The following GALNT1 variants were observed in gnomAD, a reference collection of about 807,000 sequenced individuals.
GALNT1 encodes GalNAc transferase 1.
GALNT1 carries 17 observed loss-of-function variants against 65.7 expected under a neutral mutation model. The observed-to-expected ratio is 0.26, with a 90% CI of 0.18 to 0.39. The LOEUF is 0.39. GALNT1 is among the 10% of genes least tolerant of loss of function. GALNT1 has a pLI of 1.00. For missense variants in GALNT1, 460 were observed against 672.8 expected (o/e 0.68, Z 3.50); for synonymous variants, 210 against 219.7 (o/e 0.96, Z 0.39).
chr18:35,644,264 T>C (rs192403913), intron 1 of GALNT1, among the ~76,000 whole-genome samples: 17 of 152,376 alleles, frequency 1.1e-4, no homozygotes, highest in Non-Finnish European at 2.5e-4. Flanking sequence ...TAAATACTTA[T>C]GTTGAATAAG....
intron 1 of GALNT1, among the ~76,000 whole-genome samples, chr18:35,647,836 G>C (rs952556885): frequency 1.3e-5 from 2 of 151,990 alleles, no homozygotes; most frequent in Non-Finnish European, 2.9e-5. Flanking sequence ...AAAATCATTT[G>C]GCCGTAGAAA....
chr18:35,710,687 C>T lies in GALNT1; in HGVS notation c.*917C>T, dbSNP rs559727340. 31 of 152,710 alleles carry T rather than the reference C, an allele frequency of 2.0e-4. No individual in the cohort carries two copies. Among genetic ancestry groups the T allele is most frequent in the African/African-American group, 6.7e-4 (28 of 41,564 alleles). The allele number at this position is 152,710 out of a possible 1,614,324, so 9.5% of individuals were successfully genotyped here. A position where few individuals can be genotyped will look rare whatever the true frequency, so the allele number is the denominator to read the frequency against. On this transcript the variant is annotated 3_prime_UTR_variant, in exon 12 of 12. Coordinates refer to ENST00000269195, the MANE Select transcript of GALNT1 (RefSeq NM_020474.4). ...GCACACACACACAAATTTCTTATCACATTTTCGACTTCTTCACTTGACCTA... is the reference window on the plus strand; with the variant it reads ...GCACACACACACAAATTTCTTATCATATTTTCGACTTCTTCACTTGACCTA...
intron 1 of GALNT1, among the ~76,000 whole-genome samples, chr18:35,643,523 G>A (rs912312474): frequency 7.9e-5 from 12 of 152,116 alleles, no homozygotes; most frequent in Non-Finnish European, 1.5e-4. Flanking sequence ...CAACACTTTG[G>A]GAGGCCGAGG....
intron 1 of GALNT1, among the ~76,000 whole-genome samples, chr18:35,616,479 A>G (rs2046784949): frequency 6.6e-6 from 1 of 152,162 alleles, no homozygotes; most frequent in South Asian, 2.1e-4. Context: ...TATCTCTATT[A>G]AAAGAAATAT....
intron 11 of GALNT1, among the ~76,000 whole-genome samples, chr18:35,706,365 G>C (rs1485763654): frequency 6.6e-6 from 1 of 152,070 alleles, no homozygotes; most frequent in Non-Finnish European, 1.5e-5. Flanking sequence ...ATACAGGCAT[G>C]GTGGCAGGCA....
chr18:35,707,363 TA>T (rs1555650741), intron 11 of GALNT1, among the ~76,000 whole-genome samples: 1 of 152,206 alleles, frequency 6.6e-6, no homozygotes, highest in Non-Finnish European at 1.5e-5. Flanking sequence ...CCTGATGCCT[TA>T]GTCCAGCTCT....
chr18:35,689,132 A>G, intron 6 of GALNT1, 41 bp from the exon 7 acceptor site: 1 of 1,290,678 alleles, frequency 7.7e-7, no homozygotes, highest in Middle Eastern at 1.9e-4. Context: ...GATTGATTGT[A>G]AATTTTAAAT....
chr18:35,677,902 G>T, intron 4 of GALNT1, 145 bp downstream of exon 4: 1 of 567,570 alleles, frequency 1.8e-6, no homozygotes, highest in South Asian at 2.9e-5. Context: ...ATTCACATAT[G>T]TAAAAAAGTA....
At chr18:35,627,585 T>G (rs1437549514) in intron 1 of GALNT1, 1 of 152,094 alleles carries the variant, frequency 6.6e-6, no homozygotes. Context: ...ATTATGTTGA[T>G]TGGGGGGGCG....
intron 1 of GALNT1, among the ~76,000 whole-genome samples, chr18:35,644,039 A>G (rs1037816943): frequency 2.0e-5 from 3 of 152,188 alleles, no homozygotes; most frequent in African/African-American, 7.2e-5. Context: ...AAGACACTAA[A>G]CACTGTATTC....
intron 4 of GALNT1, among the ~76,000 whole-genome samples, chr18:35,680,941 T>C (rs1598804306): frequency 6.6e-6 from 1 of 152,198 alleles, no homozygotes; most frequent in Admixed American, 6.6e-5. Context: ...TCTTAAGACT[T>C]AGAATTTATG....
chr18:35,610,326 C>G (rs746955674), intron 1 of GALNT1, among the ~76,000 whole-genome samples: 1 of 152,180 alleles, frequency 6.6e-6, no homozygotes, highest in Non-Finnish European at 1.5e-5. Context: ...CGTTCCTGAT[C>G]ACCTAGGATA....
intron 1 of GALNT1, among the ~76,000 whole-genome samples, chr18:35,602,623 A>G (rs2046596112): frequency 6.6e-6 from 1 of 151,974 alleles, no homozygotes. Flanking sequence ...GGCTTGATCC[A>G]TTCTCCTGTT....
At position 35,599,366 on chromosome 18, in the gene GALNT1, C is replaced by CCTTT. The variant is rs61028491; in HGVS notation, c.-104+17504_-104+17505insCTTT. ...AATAGTTTCAGGTATGAGATTTACACTTTTTTTTTTTTTTTTTTTTAAGAC... is the reference window on the plus strand; with the variant it reads ...AATAGTTTCAGGTATGAGATTTACACCTTTTTTTTTTTTTTTTTTTTTTTAAGAC... On this transcript the variant is annotated intron_variant, in intron 1 of 11. Transcript: ENST00000269195. Among the ~76,000 whole-genome samples, 61 of 122,728 alleles carry CCTTT rather than the reference C, an allele frequency of 5.0e-4. 3 individuals carry two copies. The highest frequency in any genetic ancestry group is 1.0e-3 in the African/African-American group (33 of 31,718). The allele number at this position is 122,728 out of a possible 152,430, so 80.5% of individuals were successfully genotyped here. A position where few individuals can be genotyped will look rare whatever the true frequency, so the allele number is the denominator to read the frequency against.
intron 7 of GALNT1, among the ~76,000 whole-genome samples, chr18:35,690,260 A>C (rs983347135): frequency 6.6e-6 from 1 of 151,928 alleles, no homozygotes; most frequent in African/African-American, 2.4e-5. Flanking sequence ...ACATGCTTTT[A>C]CTGTCTCACT....
chr18:35,636,718 C>G (rs1210310548), intron 1 of GALNT1, among the ~76,000 whole-genome samples: 1 of 149,114 alleles, frequency 6.7e-6, no homozygotes, highest in Non-Finnish European at 1.5e-5. Context: ...TGAGTTGTGA[C>G]TCAAAAATAC....
intron 1 of GALNT1, among the ~76,000 whole-genome samples, chr18:35,599,034 T>C (rs1055532096): frequency 3.3e-5 from 5 of 151,382 alleles, no homozygotes; most frequent in Admixed American, 2.6e-4. Context: ...TATTTGTATG[T>C]CTTCTTTTTA....
chr18:35,599,713 A>G (rs1436162230), intron 1 of GALNT1, among the ~76,000 whole-genome samples: 1 of 152,156 alleles, frequency 6.6e-6, no homozygotes, highest in African/African-American at 2.4e-5. Context: ...TATGATGAGA[A>G]ATAGGGATCT....
chr18:35,620,781 CT>C (rs75570628), intron 1 of GALNT1, among the ~76,000 whole-genome samples: 206 of 141,928 alleles, frequency 1.5e-3, no homozygotes, highest in Middle Eastern at 3.6e-3. Flanking sequence ...TAGGTTGTTA[CT>C]TTTTTTTTTT....
Sources: gnomAD v4.1 joint callset for allele counts (sites outside exome capture counted in the v4.1 genomes callset) on GRCh38, gnomAD v4.1.1 for gene constraint, MANE v1.5 for transcripts, NCBI Gene and HGNC (gene_info 2026-07-23, HGNC 2026-07-21) for gene names.